Variants in IGFBP4 observed in about 807,000 individuals in gnomAD.
The protein encoded by IGFBP4 is insulin like growth factor binding protein 4, also known as insulin-like growth factor-binding protein 4.
IGFBP4 carries 9 observed loss-of-function variants against 25.8 expected under a neutral mutation model. The ratio of observed to expected loss-of-function variants is 0.35; its 90% CI spans 0.21 to 0.61. IGFBP4 has a LOEUF of 0.61. Ranked by LOEUF, IGFBP4 falls within the 20% of genes least tolerant of loss-of-function variation. The probability of loss-of-function intolerance (pLI) is 0.77; values close to 1 mark genes in which losing one functional copy is unlikely to be tolerated. For missense variants in IGFBP4, 315 were observed against 365.3 expected (o/e 0.86, Z 1.12); for synonymous variants, 153 against 153.9 (o/e 0.99, Z 0.05).
chr17:40,443,788 C>G lies in IGFBP4; in HGVS notation c.53C>G (p.Pro18Arg). 2.6e-6 allele frequency: 4 copies of G among 1,519,422 alleles called. No individual in the cohort carries two copies. Among genetic ancestry groups the G allele is most frequent in the South Asian group, 1.2e-5 (1 of 82,572 alleles). 94.1% of individuals were successfully genotyped at this position (1,519,422 alleles called of 1,614,324 possible). ...CTGCTGCTGGCCGCCGGGCCCGGGC[C>G]GAGCCTGGGCGACGAAGCCATCCAC... ...AALLLAAGPG[P>R]SLGDEAIHCP... Residue 18 changes from proline (P) to arginine (R), a missense_variant, in exon 1 of 4, where the codon CCG (proline) becomes CGG (arginine). Physicochemically the swap from Pro to Arg is moderately radical, Grantham distance 103. Transcript: ENST00000269593.
chr17:40,454,413 A>G (rs538399), intron 3 of IGFBP4, among the ~76,000 whole-genome samples: 50,342 of 151,962 alleles, frequency 0.33, 8,647 homozygotes, highest in African/African-American at 0.43. Context: ...ACACTCTCTC[A>G]TTCACTCTAC....
At chr17:40,449,296 C>A (rs769500574) in intron 1 of IGFBP4, among the ~76,000 whole-genome samples, 15 of 152,116 alleles carry the variant, frequency 9.9e-5, no homozygotes, top group Non-Finnish European at 2.2e-4. Flanking sequence ...ATTAATAATC[C>A]TCTGAGGGTT....
chr17:40,444,608 A>G (rs1180709865), intron 1 of IGFBP4, among the ~76,000 whole-genome samples: 1 of 152,050 alleles, frequency 6.6e-6, no homozygotes, highest in African/African-American at 2.4e-5. Flanking sequence ...GTTGAGGGGC[A>G]TTAGACTTGC....
At position 40,453,283 on chromosome 17, in the gene IGFBP4, T is replaced by C. The variant is rs1439141737; in HGVS notation, c.507+141T>C. On this transcript the variant is annotated intron_variant, in intron 2 of 3. Coordinates refer to ENST00000269593, the MANE Select transcript of IGFBP4 (RefSeq NM_001552.3). This position sits in a 1 kb window ranked among gnomAD's most constrained non-coding sequence, Gnocchi z 4.0. ...CATTCAGCACACATTCTAGGGTGAC[T>C]ACTGTGTGCAAGGTGCAACTAGTGT... 5.2e-6 allele frequency: 3 copies of C among 578,054 alleles called. No homozygotes were observed. The highest frequency in any genetic ancestry group is 4.2e-5 in the Admixed American group (1 of 23,638). The allele number at this position is 578,054 out of a possible 1,614,324, so 35.8% of individuals were successfully genotyped here.
At chr17:40,452,315 A>G (rs1294569415) in intron 1 of IGFBP4, among the ~76,000 whole-genome samples, 1 of 152,178 alleles carries the variant, frequency 6.6e-6, no homozygotes, top group Non-Finnish European at 1.5e-5. Flanking sequence ...GGGGGACTGA[A>G]GGAATGTGTG....
At chr17:40,452,406 C>T (rs970110366) in intron 1 of IGFBP4, among the ~76,000 whole-genome samples, 2 of 152,186 alleles carry the variant, frequency 1.3e-5, no homozygotes, top group African/African-American at 4.8e-5. Context: ...CTCATGCAGG[C>T]GGATACACTA....
In IGFBP4 at chr17:40,443,799, G is replaced by A; in HGVS notation, c.64G>A (p.Asp22Asn). The change falls in exon 1 of 4, where the codon GAC becomes AAC. Residue 22 changes from aspartate (D) to asparagine (N), a missense_variant. Physicochemically the swap from Asp to Asn is conservative, Grantham distance 23 (BLOSUM62 1). Transcript: ENST00000269593. ...CGCCGGGCCCGGGCCGAGCCTGGGC[G>A]ACGAAGCCATCCACTGCCCGCCCTG... ...LAAGPGPSLG[D>N]EAIHCPPCSE... 6.6e-7 allele frequency: 1 copy of A among 1,525,038 alleles called. No homozygotes were observed. The highest frequency in any genetic ancestry group is 2.0e-5 in the Admixed American group (1 of 51,048). 94.5% of individuals were successfully genotyped at this position (1,525,038 alleles called of 1,614,324 possible).
intron 1 of IGFBP4, among the ~76,000 whole-genome samples, chr17:40,449,955 A>G (rs10305293): frequency 0.034 from 5,253 of 152,288 alleles, 97 homozygotes; most frequent in African/African-American, 0.057. Context: ...TCCTTGAACC[A>G]AAGAATATTC....
rs1167917697 is a variant in IGFBP4, at chr17:40,453,961, G to A, written c.541G>A (p.Ala181Thr). The change falls in exon 3 of 4, where the codon GCG becomes ACG. Residue 181 changes from alanine to threonine, a missense_variant. Ala to Thr is a moderately conservative substitution (Grantham distance 58). Transcript: ENST00000269593. The surrounding 1 kb of genome is among the most constrained non-coding windows in gnomAD (Gnocchi z 4.0). ...QGSCQSELHR[A>T]LERLAASQSR... ...CTCCTGCCAGAGCGAGCTGCACCGG[G>A]CGCTGGAGCGGCTGGCCGCTTCACA... 6.2e-7 allele frequency: 1 copy of A among 1,612,424 alleles called. No homozygotes were observed. The highest frequency in any genetic ancestry group is 1.7e-5 in the Admixed American group (1 of 59,790).
chr17:40,445,352 T>C (rs1284177227), intron 1 of IGFBP4, among the ~76,000 whole-genome samples: 2 of 152,246 alleles, frequency 1.3e-5, no homozygotes, highest in Admixed American at 1.3e-4. Context: ...TCTCCGACCC[T>C]GTTTTGCTCT....
chr17:40,447,673 A>G (rs1311757543), intron 1 of IGFBP4, among the ~76,000 whole-genome samples: 2 of 152,176 alleles, frequency 1.3e-5, no homozygotes. Context: ...ACTTAAAGAC[A>G]GAGTGCTGCA....
Position 40,452,987 on chromosome 17 carries a change from A to G in IGFBP4, c.352A>G (p.Lys118Glu), listed in dbSNP as rs1481485714. 3 of 1,527,922 alleles carry G rather than the reference A, an allele frequency of 2.0e-6. No individual in the cohort carries two copies. Among genetic ancestry groups the G allele is most frequent in the Non-Finnish European group, 2.7e-6 (3 of 1,130,740 alleles). 94.6% of individuals were successfully genotyped at this position (1,527,922 alleles called of 1,614,324 possible). Residue 118 changes from lysine (K) to glutamate (E), a missense_variant and splice_region_variant, in exon 2 of 4, where the codon AAG (lysine) becomes GAG (glutamate). Physicochemically the swap from Lys to Glu is moderately conservative, Grantham distance 56 (BLOSUM62 1). Transcript: ENST00000269593. ...AIQESLQPSD[K>E]DEGDHPNNSF... ...TCCTTATCGCTACCTGAATACAGAC[A>G]AGGACGAGGGTGACCACCCCAACAA...
intron 1 of IGFBP4, among the ~76,000 whole-genome samples, chr17:40,447,826 G>C (rs1226320515): frequency 6.6e-6 from 1 of 152,166 alleles, no homozygotes; most frequent in Non-Finnish European, 1.5e-5. Flanking sequence ...TGATGAGGAA[G>C]ATGGTGATGA....
chr17:40,445,457 C>T (rs1185492282), intron 1 of IGFBP4, among the ~76,000 whole-genome samples: 1 of 152,236 alleles, frequency 6.6e-6, no homozygotes, highest in Non-Finnish European at 1.5e-5. Context: ...AGCTTCCTGT[C>T]CTGGGACCCA....
At chr17:40,450,042 T>G (rs1223747306) in intron 1 of IGFBP4, among the ~76,000 whole-genome samples, 1 of 152,214 alleles carries the variant, frequency 6.6e-6, no homozygotes, top group African/African-American at 2.4e-5. Context: ...AGGGTCTCAC[T>G]TGTTGCACAG....
At chr17:40,444,926 CAGAGACAGAGAGAGAGAGAG>C (rs796639852) in intron 1 of IGFBP4, among the ~76,000 whole-genome samples, 1,462 of 62,754 alleles carry the variant, frequency 0.023, 28 homozygotes, top group South Asian at 0.062. Flanking sequence ...CACACACACA[CAGAGACAGAGAGAGAGAGAG>C]AGAGAGAGAG....
At chr17:40,456,051 C>T (rs1249666368) in intron 3 of IGFBP4, among the ~76,000 whole-genome samples, 1 of 152,146 alleles carries the variant, frequency 6.6e-6, no homozygotes, top group Non-Finnish European at 1.5e-5. Context: ...CATATTTCCT[C>T]ATTCAACTGC....
At position 40,456,769 on chromosome 17, in the gene IGFBP4, G is replaced by A; in HGVS notation, c.*186G>A. 3 of 603,268 alleles carry A rather than the reference G, an allele frequency of 5.0e-6. 1 individual carries two copies. Among genetic ancestry groups the A allele is most frequent in the South Asian group, 4.1e-5 (2 of 48,442 alleles). The allele number at this position is 603,268 out of a possible 1,614,324, so 37.4% of individuals were successfully genotyped here. ...TGTGTGTGTTTGTGAGCATGGGTGTGCCCTTGGGGTAAGCCAGAGCCTGGG... is the reference window on the plus strand; with the variant it reads ...TGTGTGTGTTTGTGAGCATGGGTGTACCCTTGGGGTAAGCCAGAGCCTGGG... On this transcript the variant is annotated 3_prime_UTR_variant, in exon 4 of 4. Coordinates refer to ENST00000269593, the MANE Select transcript of IGFBP4 (RefSeq NM_001552.3).
chr17:40,445,790 GT>G (rs1435973599), intron 1 of IGFBP4, among the ~76,000 whole-genome samples: 1 of 152,110 alleles, frequency 6.6e-6, no homozygotes, highest in African/African-American at 2.4e-5. Flanking sequence ...ACAGAGTCAC[GT>G]TCCCTTTGAA....
Sources: allele counts gnomAD v4.1 joint callset (sites outside exome capture counted in the v4.1 genomes callset), GRCh38; gene constraint gnomAD v4.1.1; non-coding constraint Gnocchi (gnomAD v3.1); transcripts MANE v1.5; gene names NCBI Gene and HGNC (gene_info 2026-07-23, HGNC 2026-07-21).